Variants in EEIG1 observed in about 807,000 individuals in gnomAD.
EEIG1 encodes the protein estrogen-induced osteoclastogenesis regulator 1.
At chr9:127,975,778 C>T in the EEIG1 span, among the ~76,000 whole-genome samples, 6 of 152,066 alleles carry the variant, frequency 3.9e-5, no homozygotes, top group African/African-American at 1.4e-4. Context: ...GTGCCAGCTG[C>T]AAGCAGAGAT....
chr9:127,943,115 G>A, the EEIG1 span: 4 of 1,401,228 alleles, frequency 2.9e-6, no homozygotes, highest in Non-Finnish European at 3.0e-6. Flanking sequence ...GATCTGAAGG[G>A]GAAAGTTCCT....
chr9:127,964,586 G>A, the EEIG1 span, among the ~76,000 whole-genome samples: 1 of 152,252 alleles, frequency 6.6e-6, no homozygotes, highest in Non-Finnish European at 1.5e-5. Flanking sequence ...CAGAAAGTCA[G>A]GAAAAAGGAA....
At chr9:127,969,897 A>G in the EEIG1 span, among the ~76,000 whole-genome samples, 1 of 152,098 alleles carries the variant, frequency 6.6e-6, no homozygotes, top group Non-Finnish European at 1.5e-5. Flanking sequence ...TCCACCCAGC[A>G]CCACCCAAAA....
At chr9:127,950,402 A>T in the EEIG1 span, 20 of 1,612,086 alleles carry the variant, frequency 1.2e-5, no homozygotes, top group Non-Finnish European at 1.5e-5. Flanking sequence ...AGGGTGGCAG[A>T]GGTGGCAGGA....
chr9:127,973,315 C>T, the EEIG1 span, among the ~76,000 whole-genome samples: 10 of 152,272 alleles, frequency 6.6e-5, no homozygotes, highest in South Asian at 1.9e-3. This position sits in a 1 kb window ranked among gnomAD's most constrained non-coding sequence, Gnocchi z 4.2. Context: ...CTCCCAGGTA[C>T]TGAACAAGCA....
chr9:127,965,348 T>C, the EEIG1 span, among the ~76,000 whole-genome samples: 2 of 151,980 alleles, frequency 1.3e-5, no homozygotes, highest in African/African-American at 4.8e-5. Context: ...AAATCAACCC[T>C]GGTTGAGAGC....
the EEIG1 span, among the ~76,000 whole-genome samples, chr9:127,972,898 T>A: frequency 6.6e-6 from 1 of 152,156 alleles, no homozygotes; most frequent in South Asian, 2.1e-4. The surrounding 1 kb of genome is among the most constrained non-coding windows in gnomAD (Gnocchi z 4.3). Context: ...TTGGCAGCTT[T>A]GGGCCTTACT....
chr9:127,976,391 C>G, the EEIG1 span, among the ~76,000 whole-genome samples: 19 of 152,330 alleles, frequency 1.2e-4, no homozygotes, highest in Admixed American at 1.0e-3. The surrounding 1 kb of genome is among the most constrained non-coding windows in gnomAD (Gnocchi z 4.1). Flanking sequence ...AGGCAAGCCC[C>G]TAGCATACAG....
At chr9:127,969,812 A>G in the EEIG1 span, among the ~76,000 whole-genome samples, 690 of 152,284 alleles carry the variant, frequency 4.5e-3, 3 homozygotes, top group African/African-American at 0.015. Flanking sequence ...AAGACCAAGG[A>G]AAACACCCAG....
the EEIG1 span, among the ~76,000 whole-genome samples, chr9:127,952,744 G>A: frequency 2.0e-5 from 3 of 152,028 alleles, no homozygotes; most frequent in African/African-American, 2.4e-5. Context: ...GCAGAGTCTC[G>A]CTCTGTCACC....
chr9:127,945,431 G>A, the EEIG1 span: 3 of 1,568,242 alleles, frequency 1.9e-6, no homozygotes, highest in Non-Finnish European at 2.6e-6. The surrounding 1 kb of genome is among the most constrained non-coding windows in gnomAD (Gnocchi z 6.5). Context: ...GGGGGCCGGT[G>A]CTCCCGCTCA....
At chr9:127,945,818 C>A in the EEIG1 span, 1 of 1,128,342 alleles carries the variant, frequency 8.9e-7, no homozygotes, top group South Asian at 1.4e-5. This position sits in a 1 kb window ranked among gnomAD's most constrained non-coding sequence, Gnocchi z 6.5. Context: ...CACTGTCGCC[C>A]TTCACAACGT....
chr9:127,956,904 G>A, the EEIG1 span, among the ~76,000 whole-genome samples: 1 of 152,138 alleles, frequency 6.6e-6, no homozygotes, highest in South Asian at 2.1e-4. Context: ...TAGTAAAGAT[G>A]AGGTTTTGCC....
the EEIG1 span, chr9:127,947,957 C>A: frequency 7.3e-6 from 9 of 1,235,832 alleles, no homozygotes; most frequent in Admixed American, 2.1e-5. Context: ...ATGCAAACAC[C>A]CTCCCACCAT....
At chr9:127,960,699 C>T in the EEIG1 span, among the ~76,000 whole-genome samples, 10 of 152,194 alleles carry the variant, frequency 6.6e-5, no homozygotes, top group Non-Finnish European at 8.8e-5. Flanking sequence ...GAATTGTGGG[C>T]TTTCTCCCTT....
At chr9:127,944,834 C>T in the EEIG1 span, 1 of 1,612,364 alleles carries the variant, frequency 6.2e-7, no homozygotes, top group Non-Finnish European at 8.5e-7. Context: ...TCCACGATGG[C>T]ATCCGCATCG....
chr9:127,945,847 A>G, the EEIG1 span: 1 of 821,924 alleles, frequency 1.2e-6, no homozygotes, highest in East Asian at 2.7e-5. The surrounding 1 kb of genome is among the most constrained non-coding windows in gnomAD (Gnocchi z 6.5). Flanking sequence ...AGAGCCTCCC[A>G]TGGCAGGGCG....
the EEIG1 span, among the ~76,000 whole-genome samples, chr9:127,971,325 C>T: frequency 6.6e-6 from 1 of 152,110 alleles, no homozygotes; most frequent in Admixed American, 6.6e-5. Flanking sequence ...GTCCAATTGC[C>T]GTGCTTGGAG....
At chr9:127,943,109 T>A in the EEIG1 span, 1 of 1,338,418 alleles carries the variant, frequency 7.5e-7, no homozygotes, top group Non-Finnish European at 1.1e-6. Context: ...AGAGGTGATC[T>A]GAAGGGGAAA....
Sources: gnomAD v4.1 joint callset for allele counts (sites outside exome capture counted in the v4.1 genomes callset) on GRCh38, gnomAD v4.1.1 for gene constraint, Gnocchi (gnomAD v3.1) non-coding constraint, MANE v1.5 for transcripts, NCBI Gene and HGNC (gene_info 2026-07-23, HGNC 2026-07-21) for gene names.